The following CEMIP variants were observed in gnomAD, a reference collection of about 807,000 sequenced individuals.
CEMIP encodes cell migration inducing hyaluronidase 1.
In CEMIP, 105 loss-of-function variants were observed where a neutral mutation model predicts 156.9. That is an observed-to-expected ratio of 0.67 (90% CI 0.57 to 0.79). CEMIP has a LOEUF of 0.79. CEMIP is among the 30% of genes least tolerant of loss of function. CEMIP has a pLI of 0.00. For missense variants in CEMIP, 1,457 were observed against 1,769.4 expected, an observed-to-expected ratio of 0.82 and a Z score of 3.17; for synonymous variants, 676 against 668.4, an observed-to-expected ratio of 1.01 and a Z score of -0.17.
chr15:80,848,900 G>GCACACACACACACA (rs3221932), intron 1 of CEMIP, among the ~76,000 whole-genome samples: 9,875 of 134,494 alleles, frequency 0.073, 806 homozygotes, highest in African/African-American at 0.19. Flanking sequence ...GTGTGCGCGT[G>GCACACACACACACA]CACACACACA....
intron 19 of CEMIP, among the ~76,000 whole-genome samples, chr15:80,926,814 G>T (rs1900690113): frequency 7.8e-6 from 1 of 128,970 alleles, no homozygotes. Context: ...GAGAGACTGA[G>T]CGGGTGGGGG....
chr15:80,866,026 T>C (rs892341048), intron 1 of CEMIP, among the ~76,000 whole-genome samples: 3 of 152,106 alleles, frequency 2.0e-5, no homozygotes, highest in Non-Finnish European at 4.4e-5. Flanking sequence ...GGATGTGAAA[T>C]AGTTTCAGAG....
chr15:80,810,993 CG>C (rs1246249264), intron 1 of CEMIP, among the ~76,000 whole-genome samples: 1 of 152,148 alleles, frequency 6.6e-6, no homozygotes, highest in Non-Finnish European at 1.5e-5. Flanking sequence ...CTACCCATCA[CG>C]CAGACATCAT....
At chr15:80,839,572 G>A (rs1409856859) in intron 1 of CEMIP, among the ~76,000 whole-genome samples, 1 of 152,148 alleles carries the variant, frequency 6.6e-6, no homozygotes, top group African/African-American at 2.4e-5. Flanking sequence ...TTCAGCAACG[G>A]GGCCCTGTGC....
chr15:80,929,190 T>G lies in CEMIP; in HGVS notation c.2612+16T>G. 1 of 1,614,192 alleles carries G rather than the reference T, an allele frequency of 6.2e-7. No individual in the cohort carries two copies. Among genetic ancestry groups the G allele is most frequent in the African/African-American group, 1.3e-5 (1 of 75,048 alleles). On this transcript the variant is annotated intron_variant, in intron 21 of 29. Transcript: ENST00000394685. Reference sequence around the variant, plus strand: ...CTATAGGCCAGTAGGTTTGCAACCATGTAGCTCCTTATTCTGAGTGGCTTA... The same window carrying G: ...CTATAGGCCAGTAGGTTTGCAACCAGGTAGCTCCTTATTCTGAGTGGCTTA...
intron 14 of CEMIP, among the ~76,000 whole-genome samples, chr15:80,910,114 T>C (rs1353665313): frequency 2.0e-5 from 3 of 152,256 alleles, no homozygotes; most frequent in African/African-American, 7.2e-5. Context: ...CACGATGTGT[T>C]TTGTTTGGCT....
intron 19 of CEMIP, among the ~76,000 whole-genome samples, chr15:80,926,103 C>A (rs982270763): frequency 2.6e-5 from 4 of 152,174 alleles, no homozygotes; most frequent in African/African-American, 9.7e-5. Flanking sequence ...TATGTGAAAG[C>A]CTTGGTTGCA....
intron 12 of CEMIP, among the ~76,000 whole-genome samples, chr15:80,898,212 A>T (rs1899311183): frequency 6.6e-6 from 1 of 152,244 alleles, no homozygotes; most frequent in Non-Finnish European, 1.5e-5. Context: ...GACACCTGGA[A>T]TTTGGGTTCC....
chr15:80,887,266 C>T (rs1460036182), intron 7 of CEMIP, among the ~76,000 whole-genome samples: 2 of 152,158 alleles, frequency 1.3e-5, no homozygotes, highest in Non-Finnish European at 2.9e-5. Context: ...GTATTTTCCT[C>T]GAGCTCAACT....
chr15:80,942,501 G>A (rs116813491), intron 27 of CEMIP, among the ~76,000 whole-genome samples, 164 bp downstream of exon 27: 1,838 of 152,112 alleles, frequency 0.012, 47 homozygotes, highest in African/African-American at 0.042. Flanking sequence ...GCCTCTTCTC[G>A]CTCCTGGTGG....
chr15:80,872,983 G>C (rs950749580), intron 1 of CEMIP, among the ~76,000 whole-genome samples: 1 of 152,142 alleles, frequency 6.6e-6, no homozygotes, highest in Non-Finnish European at 1.5e-5. Flanking sequence ...GCCCAAGATA[G>C]CTGCTGAAAA....
intron 1 of CEMIP, among the ~76,000 whole-genome samples, chr15:80,792,120 C>T (rs1226383146): frequency 1.3e-5 from 2 of 152,086 alleles, no homozygotes; most frequent in Non-Finnish European, 2.9e-5. Context: ...CTGAGTATGC[C>T]CACCAAGTAG....
chr15:80,872,022 G>A (rs529692585), intron 1 of CEMIP, among the ~76,000 whole-genome samples: 82 of 152,110 alleles, frequency 5.4e-4, no homozygotes, highest in African/African-American at 1.8e-3. Context: ...TCCCTCCCCC[G>A]GCCTCCCAAG....
intron 1 of CEMIP, among the ~76,000 whole-genome samples, chr15:80,817,329 C>G (rs1439384280): frequency 6.6e-6 from 1 of 152,024 alleles, no homozygotes; most frequent in East Asian, 1.9e-4. Context: ...TGGCTCACAC[C>G]TGTAGTCCCA....
intron 14 of CEMIP, among the ~76,000 whole-genome samples, chr15:80,919,305 C>T (rs1372682892): frequency 6.6e-6 from 1 of 152,206 alleles, no homozygotes; most frequent in Non-Finnish European, 1.5e-5. Context: ...TTCCCTCGTC[C>T]ACCCTTACTC....
chr15:80,837,916 C>T (rs1427867738), intron 1 of CEMIP, among the ~76,000 whole-genome samples: 3 of 152,226 alleles, frequency 2.0e-5, no homozygotes, highest in Admixed American at 6.5e-5. Flanking sequence ...CCTCTGTGCC[C>T]TCCACTGGCC....
chr15:80,794,612 C>T (rs1431226994), intron 1 of CEMIP, among the ~76,000 whole-genome samples: 2 of 152,160 alleles, frequency 1.3e-5, no homozygotes, highest in East Asian at 1.9e-4. Context: ...AACAGGTAGT[C>T]ACTATAAAAA....
chr15:80,787,422 C>A (rs145964236), intron 1 of CEMIP, among the ~76,000 whole-genome samples: 68 of 152,314 alleles, frequency 4.5e-4, no homozygotes, highest in Middle Eastern at 3.4e-3. Flanking sequence ...GCCTGGGGCT[C>A]CTTCTACTGG....
chr15:80,832,929 C>T (rs974305003), intron 1 of CEMIP, among the ~76,000 whole-genome samples: 1 of 152,140 alleles, frequency 6.6e-6, no homozygotes, highest in Non-Finnish European at 1.5e-5. Flanking sequence ...CAACCGAAAC[C>T]TCCCCAGGGG....
Sources: gnomAD v4.1 joint callset for allele counts (sites outside exome capture counted in the v4.1 genomes callset) on GRCh38, gnomAD v4.1.1 for gene constraint, MANE v1.5 for transcripts, NCBI Gene and HGNC (gene_info 2026-07-23, HGNC 2026-07-21) for gene names.